EXOC2: variants seen among roughly 807,000 people sequenced by gnomAD.
The protein encoded by EXOC2 is exocyst complex component 2, also known as SEC5-like 1.
In EXOC2, 70 loss-of-function variants were observed where a neutral mutation model predicts 131.8. The ratio of observed to expected loss-of-function variants is 0.53; its 90% confidence interval spans 0.44 to 0.65. The LOEUF is 0.65. Ranked by LOEUF, EXOC2 falls within the 30% of genes least tolerant of loss-of-function variation. EXOC2 has a pLI of 0.00. For missense variants in EXOC2, 923 were observed against 1,108.6 expected, an observed-to-expected ratio of 0.83 and a Z score of 2.38; for synonymous variants, 411 against 398.4, an observed-to-expected ratio of 1.03 and a Z score of -0.38.
chr6:640,953 C>T (rs991680068), intron 1 of EXOC2, among the ~76,000 whole-genome samples: 4 of 151,404 alleles, frequency 2.6e-5, no homozygotes, highest in Non-Finnish European at 4.4e-5. Context: ...AAATTTTTTA[C>T]CCCTAAAAGA....
At chr6:687,342 G>A (rs868195811) in intron 1 of EXOC2, among the ~76,000 whole-genome samples, 7 of 151,468 alleles carry the variant, frequency 4.6e-5, no homozygotes, top group Admixed American at 2.0e-4. Flanking sequence ...CACCACACTC[G>A]GCTAACTTTT....
intron 17 of EXOC2, among the ~76,000 whole-genome samples, chr6:556,767 A>G (rs535349566): frequency 6.6e-6 from 1 of 152,234 alleles, no homozygotes; most frequent in Non-Finnish European, 1.5e-5. Flanking sequence ...AGAATGAATC[A>G]ATCTTGAGAC....
chr6:674,102 C>G (rs1764000441), intron 1 of EXOC2, among the ~76,000 whole-genome samples: 1 of 152,148 alleles, frequency 6.6e-6, no homozygotes, highest in Admixed American at 6.5e-5. Flanking sequence ...AATAACAAAA[C>G]TAACAAACTC....
chr6:690,594 T>C (rs1337865803), intron 1 of EXOC2, among the ~76,000 whole-genome samples: 1 of 152,018 alleles, frequency 6.6e-6, no homozygotes, highest in African/African-American at 2.4e-5. Flanking sequence ...TCCCAGCTAC[T>C]TGGGAGGCTG....
intron 7 of EXOC2, among the ~76,000 whole-genome samples, chr6:609,445 T>C (rs891439157): frequency 7.2e-5 from 11 of 152,330 alleles, no homozygotes; most frequent in African/African-American, 2.4e-4. Context: ...ACTAACATCA[T>C]AGTAAGGATT....
intron 23 of EXOC2, among the ~76,000 whole-genome samples, chr6:529,174 C>A (rs1480804746): frequency 1.3e-5 from 2 of 152,170 alleles, no homozygotes; most frequent in Admixed American, 6.5e-5. Context: ...TTCACAGCCT[C>A]GTGATAATGG....
chr6:530,974 G>A (rs963794592), intron 23 of EXOC2, among the ~76,000 whole-genome samples: 1 of 152,338 alleles, frequency 6.6e-6, no homozygotes, highest in African/African-American at 2.4e-5. Context: ...AAAGCATACA[G>A]GAGGATGTGC....
chr6:532,375 T>C, intron 23 of EXOC2, 94 bp downstream of exon 23: 1 of 1,253,976 alleles, frequency 8.0e-7, no homozygotes, highest in South Asian at 2.3e-5. Context: ...TCAGTAGATA[T>C]GAGAAAAATG....
At chr6:487,762 A>G (rs537940478) in intron 27 of EXOC2, among the ~76,000 whole-genome samples, 24 of 152,296 alleles carry the variant, frequency 1.6e-4, no homozygotes, top group African/African-American at 5.8e-4. Context: ...GTTTGGATGC[A>G]GCAACCAAGA....
At chr6:615,319 G>A (rs770707794) in intron 6 of EXOC2, among the ~76,000 whole-genome samples, 10 of 151,980 alleles carry the variant, frequency 6.6e-5, no homozygotes, top group Non-Finnish European at 1.2e-4. Flanking sequence ...CCCCAGACAC[G>A]AATGCACTCC....
At chr6:665,392 A>T (rs2873383) in intron 1 of EXOC2, among the ~76,000 whole-genome samples, 7,799 of 152,298 alleles carry the variant, frequency 0.051, 276 homozygotes, top group Non-Finnish European at 0.072. Context: ...TTAAAGAACT[A>T]AAAGTAGAAC....
chr6:564,606 C>T lies in EXOC2; in HGVS notation c.1606G>A (p.Gly536Ser). The T allele has an allele frequency of 6.2e-7, 1 of 1,614,114 alleles. No individual in the cohort carries two copies. The highest frequency in any genetic ancestry group is 8.5e-7 in the Non-Finnish European group (1 of 1,180,022). Residue 536 changes from glycine to serine, a missense_variant, in exon 15 of 28, where the codon GGC becomes AGC. Transcript: ENST00000230449. ...GAGAGCTCGCACTTCACCTCCCAGCCTCCGTACTGCTTGGCTTCCCCATCC... is the reference window on the plus strand; with the variant it reads ...GAGAGCTCGCACTTCACCTCCCAGCTTCCGTACTGCTTGGCTTCCCCATCC... Reference protein sequence around the residue: ...IRDGEAKQYGGWEVKCELSGQ... With the variant: ...IRDGEAKQYGSWEVKCELSGQ...
At chr6:689,570 C>A (rs1764822746) in intron 1 of EXOC2, among the ~76,000 whole-genome samples, 2 of 152,198 alleles carry the variant, frequency 1.3e-5, no homozygotes. Context: ...CCCAACGGAT[C>A]CTTCCTACCT....
intron 12 of EXOC2, among the ~76,000 whole-genome samples, chr6:572,971 T>C (rs2127595744): frequency 6.6e-6 from 1 of 152,270 alleles, no homozygotes; most frequent in South Asian, 2.1e-4. Flanking sequence ...TTATCAGCCT[T>C]GTCCTCTGGA....
intron 25 of EXOC2, among the ~76,000 whole-genome samples, chr6:493,858 T>G (rs1763572855): frequency 6.6e-6 from 1 of 152,212 alleles, no homozygotes; most frequent in African/African-American, 2.4e-5. Flanking sequence ...TCTGGACATG[T>G]GTACGTGAAA....
At chr6:676,924 C>G (rs1306830379) in intron 1 of EXOC2, among the ~76,000 whole-genome samples, 1 of 106,840 alleles carries the variant, frequency 9.4e-6, no homozygotes, top group African/African-American at 3.0e-5. Flanking sequence ...TTCAACATTA[C>G]AGAAAGGACA....
chr6:648,346 AAG>A (rs1762674384), intron 1 of EXOC2, among the ~76,000 whole-genome samples: 1 of 152,216 alleles, frequency 6.6e-6, no homozygotes, highest in African/African-American at 2.4e-5. Context: ...ACTCTCAGGA[AAG>A]AGTCTAAGGC....
At chr6:647,364 A>G (rs1022049413) in intron 1 of EXOC2, among the ~76,000 whole-genome samples, 3 of 151,514 alleles carry the variant, frequency 2.0e-5, no homozygotes, top group Non-Finnish European at 2.9e-5. Flanking sequence ...AGAGATCCTC[A>G]GCGGTTTTGA....
At position 576,865 on chromosome 6, in the gene EXOC2, T is replaced by C; in HGVS notation, c.1210A>G (p.Ser404Gly). ...KDLKGNPGLH[S>G]PMLDLDNDTR... ...TCATTATCAAGATCCAACATGGGAC[T>C]GTGCAGGCCTGGGTTACCTGGGGAA... Residue 404 changes from serine to glycine, a missense_variant, in exon 12 of 28, where the codon AGT becomes GGT. Coordinates refer to ENST00000230449, the MANE Select transcript of EXOC2 (RefSeq NM_018303.6). 1 of 1,614,026 alleles carries C rather than the reference T, an allele frequency of 6.2e-7. No individual in the cohort carries two copies. The highest frequency in any genetic ancestry group is 8.5e-7 in the Non-Finnish European group (1 of 1,179,976).
Sources: gnomAD v4.1 joint callset for allele counts (sites outside exome capture counted in the v4.1 genomes callset) on GRCh38, gnomAD v4.1.1 for gene constraint, MANE v1.5 for transcripts, NCBI Gene and HGNC (gene_info 2026-07-23, HGNC 2026-07-21) for gene names.